Variants in NRP2 observed in about 807,000 individuals in gnomAD.
The protein encoded by NRP2 is neuropilin 2.
NRP2 carries 52 observed loss-of-function variants against 110.4 expected under a neutral mutation model. The ratio of observed to expected loss-of-function variants is 0.47; its 90% CI spans 0.38 to 0.59. NRP2 has a LOEUF of 0.59. Among genes scored for constraint, NRP2 ranks in the 20% least tolerant of loss-of-function variants. NRP2 has a pLI of 0.00. For synonymous variants in NRP2, 508 were observed against 468.9 expected, an observed-to-expected ratio of 1.08 and a Z score of -1.08; for missense variants, 1,049 against 1,203.0, an observed-to-expected ratio of 0.87 and a Z score of 1.89.
At chr2:205,693,087 G>A (rs1378952771) in intron 1 of NRP2, among the ~76,000 whole-genome samples, 2 of 152,220 alleles carry the variant, frequency 1.3e-5, no homozygotes, top group Non-Finnish European at 2.9e-5. Context: ...AGAAGAAAGA[G>A]TTTCTTCTTT....
rs746667684 is a variant in NRP2, at chr2:205,752,959, C to T, written c.2028C>T (p.Asn676=). The change falls in exon 12 of 17, where the codon AAC becomes AAT. Residue 676 remains asparagine, a synonymous_variant. Transcript: ENST00000357785. ...CCTGGGCCAGCAGCTCCAGCCCAAA[C>T]GACCGGACGTTTCCAGGTAAGCCAG... ...RTTWASSSSP[N]DRTFPDDRNF... is the part of the protein sequence containing the mutation. 46 of 1,613,550 alleles carry T rather than the reference C, an allele frequency of 2.9e-5. No homozygotes were observed. The highest frequency in any genetic ancestry group is 2.6e-4 in the South Asian group (24 of 91,058).
intron 2 of NRP2, among the ~76,000 whole-genome samples, chr2:205,708,576 A>G (rs1014418761): frequency 3.3e-5 from 5 of 152,226 alleles, no homozygotes; most frequent in Admixed American, 6.5e-5. Flanking sequence ...TCCATGAGGA[A>G]CAATGAGATT....
chr2:205,774,248 C>G (rs1276182882), intron 15 of NRP2, among the ~76,000 whole-genome samples: 1 of 152,178 alleles, frequency 6.6e-6, no homozygotes, highest in Non-Finnish European at 1.5e-5. Flanking sequence ...TTTCCAGCAC[C>G]TTGCTTTCTC....
At chr2:205,773,488 T>C (rs2058053559) in intron 15 of NRP2, among the ~76,000 whole-genome samples, 1 of 152,234 alleles carries the variant, frequency 6.6e-6, no homozygotes, top group Non-Finnish European at 1.5e-5. Context: ...TACATGTTGA[T>C]AATTTCAGGG....
intron 14 of NRP2, among the ~76,000 whole-genome samples, chr2:205,766,577 C>T (rs1471955646): frequency 6.6e-6 from 1 of 152,146 alleles, no homozygotes; most frequent in African/African-American, 2.4e-5. Flanking sequence ...TGAGAATCCC[C>T]CCTCCTCCGC....
chr2:205,785,506 A>C (rs556894116), intron 15 of NRP2, among the ~76,000 whole-genome samples: 3 of 152,362 alleles, frequency 2.0e-5, no homozygotes, highest in Admixed American at 6.5e-5. Context: ...GAAAAGAGCC[A>C]ATTGCTTGTT....
chr2:205,729,061 A>G (rs2057185658), intron 7 of NRP2, among the ~76,000 whole-genome samples: 1 of 152,234 alleles, frequency 6.6e-6, no homozygotes, highest in African/African-American at 2.4e-5. Context: ...AGGGAGGCCA[A>G]AGATCTTTTC....
At chr2:205,684,402 G>A (rs2056094927) in intron 1 of NRP2, among the ~76,000 whole-genome samples, 1 of 152,172 alleles carries the variant, frequency 6.6e-6, no homozygotes, top group Non-Finnish European at 1.5e-5. Context: ...ATGGGTGAAA[G>A]AAAGGCGAAA....
At chr2:205,771,931 G>A (rs2058028833) in intron 15 of NRP2, among the ~76,000 whole-genome samples, 1 of 152,268 alleles carries the variant, frequency 6.6e-6, no homozygotes, top group South Asian at 2.1e-4. Flanking sequence ...CAAACAGGCA[G>A]TGGGCTGGAT....
rs539847318 is a variant in NRP2, at chr2:205,726,304, C to T, written c.990+222C>T. On this transcript the variant is annotated intron_variant, in intron 6 of 16. Coordinates refer to ENST00000357785, the MANE Select transcript of NRP2 (RefSeq NM_003872.3). Reference sequence around the variant, plus strand: ...CCTGCCCCTGCCCTTGTGGGGATTACTGGGCCTGGGGAGAAGTTGTTTGGC... The same window carrying T: ...CCTGCCCCTGCCCTTGTGGGGATTATTGGGCCTGGGGAGAAGTTGTTTGGC... Among the ~76,000 whole-genome samples, 4 of 152,324 alleles carry T rather than the reference C, an allele frequency of 2.6e-5. No homozygotes were observed. In the South Asian group the frequency reaches 8.3e-4, roughly 32 times the overall value.
intron 1 of NRP2, among the ~76,000 whole-genome samples, chr2:205,696,187 CT>C (rs2105884599): frequency 6.6e-6 from 1 of 152,284 alleles, no homozygotes; most frequent in East Asian, 1.9e-4. Context: ...CATTTAAAGC[CT>C]GTCAGGCCGG....
chr2:205,696,361 C>T (rs575045528), intron 1 of NRP2, among the ~76,000 whole-genome samples: 15 of 152,300 alleles, frequency 9.8e-5, no homozygotes, highest in African/African-American at 3.4e-4. Context: ...ACATAATTCA[C>T]GGGCCCATGC....
intron 7 of NRP2, among the ~76,000 whole-genome samples, chr2:205,730,562 C>CTCTGT (rs2057218326): frequency 6.6e-6 from 1 of 152,082 alleles, no homozygotes; most frequent in Non-Finnish European, 1.5e-5. Flanking sequence ...CAACCGCCTG[C>CTCTGT]TCTGCTCTGC....
Position 205,763,936 on chromosome 2 carries a change from G to A in NRP2, c.2307G>A (p.Gln769=). 1 of 1,614,068 alleles carries A rather than the reference G, an allele frequency of 6.2e-7. No homozygotes were observed. Among genetic ancestry groups the A allele is most frequent in the Non-Finnish European group, 8.5e-7 (1 of 1,179,956 alleles). ...TGCCCAGCTACGACATGGAGTACCA[G>A]GTGGGGTGAGCAAAAAGGGAATCTT... is the stretch of plus-strand genomic sequence containing the variant. ...IILPSYDMEY[Q]IVFEGVIGKG... is the part of the protein sequence containing the mutation. The change falls in exon 13 of 17, where the codon CAG becomes CAA. Residue 769 remains glutamine, a splice_region_variant and synonymous_variant. Transcript: ENST00000357785. This position sits in a 1 kb window ranked among gnomAD's most constrained non-coding sequence, Gnocchi z 4.0.
chr2:205,743,687 T>C (rs1169103407), intron 9 of NRP2, 135 bp downstream of exon 9: 1 of 1,457,544 alleles, frequency 6.9e-7, no homozygotes, highest in African/African-American at 1.4e-5. Flanking sequence ...ACAAATATCG[T>C]TTGAGAGATT....
At chr2:205,791,693 G>A (rs1234685041) in intron 15 of NRP2, among the ~76,000 whole-genome samples, 1 of 152,198 alleles carries the variant, frequency 6.6e-6, no homozygotes, top group Non-Finnish European at 1.5e-5. Context: ...GCACAGATAT[G>A]TGAAGGTCAA....
At position 205,686,218 on chromosome 2, in the gene NRP2, C is replaced by CCCTCCT. The variant is rs147331324; in HGVS notation, c.73+2871_73+2876dup. Among the ~76,000 whole-genome samples, 1,766 of 152,010 alleles carry CCCTCCT rather than the reference C, an allele frequency of 0.012. 14 individuals carry two copies. Among genetic ancestry groups the CCCTCCT allele is most frequent in the Non-Finnish European group, 0.018 (1,228 of 67,954 alleles). ...CGCCTCCAACTACTCCATGCTTGTGCCCTCCTCCTCCTCCTCCTCCTAAGG... is the reference window on the plus strand; with the variant it reads ...CGCCTCCAACTACTCCATGCTTGTGCCCTCCTCCTCCTCCTCCTCCTCCTCCTAAGG... On this transcript the variant is annotated intron_variant, in intron 1 of 16. Coordinates refer to ENST00000357785, the MANE Select transcript of NRP2 (RefSeq NM_003872.3). This position sits in a 1 kb window ranked among gnomAD's most constrained non-coding sequence, Gnocchi z 4.7.
chr2:205,776,778 C>G, intron 15 of NRP2: 2 of 1,392,882 alleles, frequency 1.4e-6, no homozygotes, highest in South Asian at 1.5e-5. Flanking sequence ...CTTGGACTAT[C>G]CGAAGAGATC....
intron 15 of NRP2, among the ~76,000 whole-genome samples, chr2:205,773,416 A>G (rs1196164470): frequency 6.6e-6 from 1 of 152,208 alleles, no homozygotes; most frequent in Non-Finnish European, 1.5e-5. Context: ...ACAAATGCCC[A>G]AAGAAAATGT....
Sources: allele counts gnomAD v4.1 joint callset (sites outside exome capture counted in the v4.1 genomes callset), GRCh38; gene constraint gnomAD v4.1.1; non-coding constraint Gnocchi (gnomAD v3.1); transcripts MANE v1.5; gene names NCBI Gene and HGNC (gene_info 2026-07-23, HGNC 2026-07-21).